NEK7: variants seen among roughly 807,000 people sequenced by gnomAD.
NEK7 encodes the protein NIMA related kinase 7.
In NEK7, 18 loss-of-function variants were observed where a neutral mutation model predicts 44.6. That is an observed-to-expected ratio of 0.40 (90% CI 0.28 to 0.60). The LOEUF is 0.60. NEK7 is among the 20% of genes least tolerant of loss of function. The pLI is 0.38. For synonymous variants in NEK7, 130 were observed against 121.1 expected (o/e 1.07, Z -0.48); for missense variants, 256 against 366.5 (o/e 0.70, Z 2.46).
At chr1:198,194,221 CTATTTTT>C (rs1665160642) in intron 1 of NEK7, among the ~76,000 whole-genome samples, 1 of 151,474 alleles carries the variant, frequency 6.6e-6, no homozygotes, top group Non-Finnish European at 1.5e-5. Flanking sequence ...GATGAAGACT[CTATTTTT>C]TATTTTTAAG....
chr1:198,306,585 C>T (rs966330742), intron 9 of NEK7, among the ~76,000 whole-genome samples: 4 of 152,090 alleles, frequency 2.6e-5, no homozygotes, highest in South Asian at 2.1e-4. Flanking sequence ...AATAACTCTA[C>T]GATCTTAAAG....
intron 1 of NEK7, among the ~76,000 whole-genome samples, chr1:198,165,210 T>C (rs1379464403): frequency 6.6e-6 from 1 of 152,192 alleles, no homozygotes; most frequent in Non-Finnish European, 1.5e-5. Flanking sequence ...ATCAACTTCT[T>C]CCAAACTCCT....
chr1:198,240,275 G>C (rs1666646902), intron 2 of NEK7, among the ~76,000 whole-genome samples: 2 of 152,158 alleles, frequency 1.3e-5, no homozygotes, highest in Admixed American at 6.5e-5. Flanking sequence ...TTACGAGTGA[G>C]AGTACCTCAT....
At chr1:198,319,119 G>A (rs1423354555) in intron 9 of NEK7, among the ~76,000 whole-genome samples, 6 of 152,100 alleles carry the variant, frequency 3.9e-5, no homozygotes, top group African/African-American at 9.7e-5. Context: ...CTCAGTGACT[G>A]CTATCTTCTG....
At chr1:198,236,145 T>G (rs1005146705) in intron 2 of NEK7, among the ~76,000 whole-genome samples, 3 of 152,190 alleles carry the variant, frequency 2.0e-5, no homozygotes, top group Admixed American at 6.5e-5. Flanking sequence ...TGAGTGGGTA[T>G]GAATTTTAGA....
intron 1 of NEK7, among the ~76,000 whole-genome samples, chr1:198,165,856 CTGT>C (rs1349499024): frequency 3.9e-5 from 6 of 152,222 alleles, no homozygotes; most frequent in African/African-American, 7.2e-5. Flanking sequence ...TATTGGAAAT[CTGT>C]TGTTTAGTGT....
At chr1:198,272,180 A>G (rs1653874006) in intron 5 of NEK7, among the ~76,000 whole-genome samples, 1 of 151,734 alleles carries the variant, frequency 6.6e-6, no homozygotes, top group Non-Finnish European at 1.5e-5. Context: ...ATACCGTGAA[A>G]TGACCATTAT....
At chr1:198,260,323 A>G (rs918908216) in intron 3 of NEK7, among the ~76,000 whole-genome samples, 3 of 151,982 alleles carry the variant, frequency 2.0e-5, no homozygotes, top group Non-Finnish European at 4.4e-5. Flanking sequence ...TCAAAGCTTA[A>G]TGTATACAAC....
intron 9 of NEK7, among the ~76,000 whole-genome samples, chr1:198,306,902 A>G (rs996829444): frequency 6.6e-6 from 1 of 152,158 alleles, no homozygotes; most frequent in African/African-American, 2.4e-5. Flanking sequence ...ATACCAAGGA[A>G]GATTACATCA....
At chr1:198,258,716 G>T (rs1653356739) in intron 3 of NEK7, among the ~76,000 whole-genome samples, 1 of 152,134 alleles carries the variant, frequency 6.6e-6, no homozygotes, top group African/African-American at 2.4e-5. Flanking sequence ...GTCATTACTT[G>T]CCTAACCACA....
Position 198,253,130 on chromosome 1 carries a change from A to G in NEK7, c.148A>G (p.Arg50Gly), listed in dbSNP as rs752851460. 4 of 1,612,424 alleles carry G rather than the reference A, an allele frequency of 2.5e-6. No homozygotes were observed. The East Asian group carries it at 6.7e-5, about 27-fold the overall frequency. The part of the protein sequence containing the change: ...IGRGQFSEVY[R>G]AACLLDGVPV... The stretch of plus-strand genomic sequence containing the variant: ...TCGCGGACAATTTAGTGAAGTTTAT[A>G]GAGCAGCCTGTCTCTTGGATGGAGT... The change falls in exon 3 of 10, where the codon AGA (arginine) becomes GGA (glycine). Residue 50 changes from arginine (R) to glycine (G), a missense_variant. By Grantham distance (125) the Arg-to-Gly change is moderately radical (BLOSUM62 -2). Coordinates refer to ENST00000367385, the MANE Select transcript of NEK7 (RefSeq NM_133494.3).
chr1:198,157,623 C>A (rs928349956), intron 1 of NEK7, among the ~76,000 whole-genome samples: 1 of 152,240 alleles, frequency 6.6e-6, no homozygotes, highest in East Asian at 1.9e-4. Flanking sequence ...AAGCGAAGTC[C>A]CGCCTTCCGG....
intron 9 of NEK7, among the ~76,000 whole-genome samples, chr1:198,318,030 T>C (rs1371538918): frequency 6.6e-6 from 1 of 152,038 alleles, no homozygotes; most frequent in Non-Finnish European, 1.5e-5. Context: ...GGAAGGAATA[T>C]AAATTAAAAT....
intron 5 of NEK7, among the ~76,000 whole-genome samples, chr1:198,273,821 T>C (rs1653928969): frequency 6.6e-6 from 1 of 151,746 alleles, no homozygotes; most frequent in Non-Finnish European, 1.5e-5. Flanking sequence ...AACAGACATT[T>C]ATTATTTCTG....
chr1:198,175,537 A>G (rs2102730796), intron 1 of NEK7, among the ~76,000 whole-genome samples: 1 of 152,320 alleles, frequency 6.6e-6, no homozygotes. Context: ...GATGGGGCCA[A>G]GCTATTTATC....
At chr1:198,225,857 G>A (rs1022917865) in intron 1 of NEK7, among the ~76,000 whole-genome samples, 1 of 151,900 alleles carries the variant, frequency 6.6e-6, no homozygotes, top group East Asian at 1.9e-4. Context: ...TGTTTTGCTC[G>A]AAGATTGGTT....
intron 1 of NEK7, among the ~76,000 whole-genome samples, chr1:198,205,122 T>G (rs1180475843): frequency 6.6e-6 from 1 of 152,194 alleles, no homozygotes; most frequent in East Asian, 1.9e-4. Context: ...TTTGTTTGGA[T>G]CCAATTTATA....
At chr1:198,181,053 A>C (rs891383125) in intron 1 of NEK7, among the ~76,000 whole-genome samples, 1 of 152,108 alleles carries the variant, frequency 6.6e-6, no homozygotes, top group Non-Finnish European at 1.5e-5. Context: ...CTTTAAACAC[A>C]TGATAATCAC....
chr1:198,209,511 A>G (rs937151218), intron 1 of NEK7, among the ~76,000 whole-genome samples: 4 of 152,228 alleles, frequency 2.6e-5, no homozygotes, highest in Non-Finnish European at 5.9e-5. Flanking sequence ...AATTAACTAA[A>G]TGTAATTTTG....
Sources: gnomAD v4.1 joint callset for allele counts (sites outside exome capture counted in the v4.1 genomes callset) on GRCh38, gnomAD v4.1.1 for gene constraint, MANE v1.5 for transcripts, NCBI Gene and HGNC (gene_info 2026-07-23, HGNC 2026-07-21) for gene names.